The following ASCC2 variants were observed in gnomAD, a reference collection of about 807,000 sequenced individuals.
The protein encoded by ASCC2 is ASC-1 complex subunit P100.
Under a neutral mutation model 93.5 loss-of-function variants are expected in ASCC2, and 42 were observed. The observed-to-expected ratio is 0.45, with a 90% CI of 0.35 to 0.58. The LOEUF (loss-of-function observed/expected upper bound fraction) is 0.58. ASCC2 is among the 20% of genes least tolerant of loss of function. The pLI, the probability that ASCC2 is intolerant of heterozygous loss-of-function variation, is 0.00. For synonymous variants in ASCC2, 364 were observed against 384.2 expected, an observed-to-expected ratio of 0.95 and a Z score of 0.62; for missense variants, 859 against 977.6, an observed-to-expected ratio of 0.88 and a Z score of 1.62.
intron 1 of ASCC2, chr22:29,834,625 T>C: frequency 2.1e-6 from 1 of 467,542 alleles, no homozygotes; most frequent in Non-Finnish European, 4.4e-6. Flanking sequence ...TTGCAAAGCA[T>C]AGATAATATC....
chr22:29,826,324 G>C (rs1291618698), intron 2 of ASCC2, among the ~76,000 whole-genome samples: 3 of 150,890 alleles, frequency 2.0e-5, no homozygotes, highest in Non-Finnish European at 4.4e-5. Flanking sequence ...GTTTTGTTTT[G>C]TTTTGTTTTT....
At chr22:29,793,330 C>T (rs1406798480) in intron 17 of ASCC2, 30 bp downstream of exon 17, 2 of 1,611,126 alleles carry the variant, frequency 1.2e-6, no homozygotes, top group South Asian at 1.1e-5. Flanking sequence ...GCTGCTCTGC[C>T]CTGGAACGCC....
chr22:29,808,888 A>G (rs376554217), intron 8 of ASCC2, among the ~76,000 whole-genome samples: 8 of 151,612 alleles, frequency 5.3e-5, no homozygotes, highest in East Asian at 3.9e-4. Flanking sequence ...GGAGACCGAG[A>G]TGGGTGGATT....
chr22:29,826,765 G>GGT (rs2062392695), intron 2 of ASCC2, among the ~76,000 whole-genome samples: 2 of 151,954 alleles, frequency 1.3e-5, no homozygotes, highest in South Asian at 4.2e-4. Flanking sequence ...CCATCTGATG[G>GGT]GTGTCCTTGC....
intron 5 of ASCC2, among the ~76,000 whole-genome samples, chr22:29,816,306 C>T (rs111503002): frequency 5.9e-5 from 9 of 152,284 alleles, no homozygotes; most frequent in African/African-American, 1.9e-4. Flanking sequence ...TATGATTTAA[C>T]CTTTTAAGTA....
At chr22:29,826,517 GC>G (rs1433842213) in intron 2 of ASCC2, among the ~76,000 whole-genome samples, 5 of 151,964 alleles carry the variant, frequency 3.3e-5, no homozygotes, top group Non-Finnish European at 7.4e-5. Context: ...TTGCCATGTT[GC>G]CCAGGTGGTC....
Position 29,801,985 on chromosome 22 carries a change from C to A in ASCC2, c.1568+9G>T. The stretch of plus-strand genomic sequence containing the variant: ...GCAGCGGGAGCCTCCTCCCACCTGT[C>A]TCTCCCACCTGTCTAGGTTGCGGTC... On this transcript the variant is annotated intron_variant, in intron 14 of 19. Transcript: ENST00000307790. 3 of 1,574,716 alleles carry A rather than the reference C, an allele frequency of 1.9e-6. No individual in the cohort carries two copies. Among genetic ancestry groups the A allele is most frequent in the Non-Finnish European group, 2.6e-6 (3 of 1,158,760 alleles).
At chr22:29,797,609 T>C (rs11702929) in intron 15 of ASCC2, among the ~76,000 whole-genome samples, 14,094 of 152,194 alleles carry the variant, frequency 0.093, 871 homozygotes, top group Middle Eastern at 0.18. Context: ...CCAGGGCTGA[T>C]GTGAGAAAGA....
chr22:29,806,536 C>A lies in ASCC2; in HGVS notation c.1034G>T (p.Gly345Val). The change falls in exon 11 of 20, where the codon GGC (glycine) becomes GTC (valine). Residue 345 changes from glycine to valine, a missense_variant. Coordinates refer to ENST00000307790, the MANE Select transcript of ASCC2 (RefSeq NM_032204.5). ...ILESSCDNIQ[G>V]FIEEFLQIFS... ...GATCTGAAGGAACTCTTCGATGAAGCCCTGAATGTTGTCACAGCTAGAACA... is the reference window on the plus strand; with the variant it reads ...GATCTGAAGGAACTCTTCGATGAAGACCTGAATGTTGTCACAGCTAGAACA... 2 of 1,613,782 alleles carry A rather than the reference C, an allele frequency of 1.2e-6. No homozygotes were observed. Among genetic ancestry groups the A allele is most frequent in the Non-Finnish European group, 1.7e-6 (2 of 1,179,862 alleles).
Position 29,814,678 on chromosome 22 carries a change from G to C in ASCC2, c.699C>G (p.Thr233=). ...PQKLEERGRL[T]PSDMPLLELK... is the part of the protein sequence containing the mutation. ...TTACCAGGAGAGGCATGTCACTGGG[G>C]GTCAATCGGCCCCTCTCCTCAAGCT... The change falls in exon 7 of 20, where the codon ACC becomes ACG. Residue 233 remains threonine (T), a synonymous_variant. Transcript: ENST00000307790. 6.2e-7 allele frequency: 1 copy of C among 1,604,188 alleles called. No homozygotes were observed. The highest frequency in any genetic ancestry group is 8.5e-7 in the Non-Finnish European group (1 of 1,176,266).
At chr22:29,812,889 T>TTG (rs1417858994) in intron 8 of ASCC2, among the ~76,000 whole-genome samples, 5 of 151,420 alleles carry the variant, frequency 3.3e-5, no homozygotes, top group Admixed American at 3.3e-4. Context: ...GTTGTGCGTT[T>TTG]TTTTTTTTTT....
intron 5 of ASCC2, among the ~76,000 whole-genome samples, chr22:29,818,919 C>T (rs2061223064): frequency 6.6e-6 from 1 of 152,140 alleles, no homozygotes; most frequent in African/African-American, 2.4e-5. Flanking sequence ...TTTTCTTCCC[C>T]AGCAGCCCAG....
intron 2 of ASCC2, among the ~76,000 whole-genome samples, chr22:29,826,596 C>T (rs7285660): frequency 0.13 from 19,629 of 152,014 alleles, 2,051 homozygotes; most frequent in African/African-American, 0.29. Context: ...CAGGTTTGAG[C>T]CACCTCTCCT....
At chr22:29,822,131 CA>C in intron 5 of ASCC2, 1 of 639,626 alleles carries the variant, frequency 1.6e-6, no homozygotes, top group East Asian at 3.0e-5. Context: ...GTCTGGTACA[CA>C]GTTTTATTTC....
At chr22:29,797,247 C>T (rs1189841236) in intron 15 of ASCC2, among the ~76,000 whole-genome samples, 4 of 152,200 alleles carry the variant, frequency 2.6e-5, no homozygotes, top group Non-Finnish European at 5.9e-5. Flanking sequence ...AAGATGGGAG[C>T]AAGCCCTGGG....
intron 8 of ASCC2, among the ~76,000 whole-genome samples, chr22:29,811,633 G>A (rs1402684454): frequency 6.6e-6 from 1 of 152,228 alleles, no homozygotes; most frequent in Non-Finnish European, 1.5e-5. Flanking sequence ...GCCCCAGGGT[G>A]TTCGTGGGTC....
At chr22:29,799,836 G>A (rs1199248921) in intron 15 of ASCC2, among the ~76,000 whole-genome samples, 1 of 152,086 alleles carries the variant, frequency 6.6e-6, no homozygotes, top group African/African-American at 2.4e-5. Flanking sequence ...CACCCAGGCT[G>A]GAGTACAGTG....
intron 8 of ASCC2, 29 bp from the exon 9 acceptor site, chr22:29,808,214 G>A: frequency 6.2e-7 from 1 of 1,608,528 alleles, no homozygotes; most frequent in Non-Finnish European, 8.5e-7. Context: ...GGAAAATGTT[G>A]GATTAGTTCA....
chr22:29,833,652 C>A, intron 1 of ASCC2: 1 of 470,418 alleles, frequency 2.1e-6, no homozygotes, highest in Non-Finnish European at 4.4e-6. Flanking sequence ...AAATGAATCA[C>A]GGAATAGAAG....
Sources: allele counts gnomAD v4.1 joint callset (sites outside exome capture counted in the v4.1 genomes callset), GRCh38; gene constraint gnomAD v4.1.1; transcripts MANE v1.5; gene names NCBI Gene and HGNC (gene_info 2026-07-23, HGNC 2026-07-21).